The following WNK3 variants were observed in gnomAD, a reference collection of about 807,000 sequenced individuals.
The protein encoded by WNK3 is WNK lysine deficient protein kinase 3.
In WNK3, 18 loss-of-function variants were observed where a neutral mutation model predicts 116.7. The ratio of observed to expected loss-of-function variants is 0.15; its 90% CI spans 0.11 to 0.23. The LOEUF is 0.23. WNK3 is among the 10% of genes least tolerant of loss of function. The probability of loss-of-function intolerance (pLI) is 1.00; values close to 1 mark genes in which losing one functional copy is unlikely to be tolerated. For synonymous variants in WNK3, 404 were observed against 469.4 expected (o/e 0.86, Z 1.80); for missense variants, 993 against 1,323.8 (o/e 0.75, Z 3.88).
chrX:54,307,354 C>A (rs2068837673), intron 5 of WNK3, among the ~76,000 whole-genome samples: 1 of 111,485 alleles, frequency 9.0e-6, no homozygotes, highest in Non-Finnish European at 1.9e-5. Context: ...CTCCTTTGAA[C>A]AACACTTTGC....
chrX:54,268,467 T>C (rs1361690068), intron 10 of WNK3, among the ~76,000 whole-genome samples: 4 of 111,381 alleles, frequency 3.6e-5, no homozygotes, highest in Non-Finnish European at 7.5e-5. Flanking sequence ...GCACTCCACC[T>C]TGAGTGACAG....
chrX:54,250,391 C>G (rs1324018921), intron 15 of WNK3, among the ~76,000 whole-genome samples: 1 of 111,408 alleles, frequency 9.0e-6, no homozygotes, highest in Non-Finnish European at 1.9e-5. Context: ...ACAGGGTACT[C>G]TTTGAAAAAA....
chrX:54,250,123 C>T, exon 16 of WNK3: 1 of 1,186,348 alleles, frequency 8.4e-7, no homozygotes, highest in South Asian at 1.9e-5. Flanking sequence ...GACTGAGGAG[C>T]AGATTCATCT....
intron 2 of WNK3, among the ~76,000 whole-genome samples, chrX:54,312,093 G>A (rs2068892859): frequency 9.0e-6 from 1 of 110,979 alleles, no homozygotes; most frequent in South Asian, 3.9e-4. Context: ...GCTGAGGTGG[G>A]AGGAGCACCT....
chrX:54,239,624 A>G (rs1393841720), intron 17 of WNK3, among the ~76,000 whole-genome samples: 1 of 111,496 alleles, frequency 9.0e-6, no homozygotes, highest in Non-Finnish European at 1.9e-5. Flanking sequence ...GTATCAGGAA[A>G]TCAAGTTTCT....
intron 17 of WNK3, among the ~76,000 whole-genome samples, chrX:54,240,033 A>G (rs954727480): frequency 3.6e-5 from 4 of 112,405 alleles, no homozygotes; most frequent in Admixed American, 1.9e-4. Flanking sequence ...GGCTGGGCGC[A>G]GTGGCTCACG....
intron 17 of WNK3, among the ~76,000 whole-genome samples, chrX:54,244,108 T>A (rs1557152223): frequency 1.8e-5 from 2 of 111,498 alleles, no homozygotes; most frequent in Non-Finnish European, 1.9e-5. Flanking sequence ...GCTTAATGGG[T>A]ATGAAGTTTC....
In WNK3 at chrX:54,341,005, G is replaced by T. The variant is rs376778872; in HGVS notation, c.-119-7213C>A. 2.1e-4 allele frequency among the ~76,000 whole-genome samples: 24 copies of T among 112,176 alleles called. No individual in the cohort carries two copies. In the South Asian group the frequency reaches 5.5e-3, roughly 26 times the overall value. Reference sequence around the variant, plus strand: ...TGTCCACACAAAAACTTGTACAAGTGTTCATAGCAGCACTATTCACAATAC... The same window carrying T: ...TGTCCACACAAAAACTTGTACAAGTTTTCATAGCAGCACTATTCACAATAC... On this transcript the variant is annotated intron_variant, in intron 1 of 23. Transcript: ENST00000354646.
intron 2 of WNK3, among the ~76,000 whole-genome samples, chrX:54,311,829 GA>G (rs2068890408): frequency 9.0e-6 from 1 of 111,287 alleles, no homozygotes; most frequent in East Asian, 2.8e-4. Context: ...GAAGTCAAAG[GA>G]ACAATTTTAC....
chrX:54,237,169 C>T (rs1248776858), exon 20 of WNK3: 2 of 1,211,856 alleles, frequency 1.7e-6, no homozygotes, highest in Non-Finnish European at 2.2e-6. Flanking sequence ...AGGCTGTTTC[C>T]CAGCAGTCAA....
intron 22 of WNK3, among the ~76,000 whole-genome samples, chrX:54,225,429 T>G (rs782226951): frequency 9.2e-6 from 1 of 109,101 alleles, no homozygotes; most frequent in East Asian, 2.9e-4. Context: ...AAGACCAGCC[T>G]GGCCAACATG....
exon 2 of WNK3, chrX:54,333,591 T>C (rs972461261): frequency 5.8e-6 from 7 of 1,205,033 alleles, no homozygotes; most frequent in Non-Finnish European, 7.8e-6. Context: ...TGCAGCGACC[T>C]GGGGAACTCT....
At chrX:54,237,583 T>A in intron 19 of WNK3, 32 bp from the exon 20 acceptor site, 1 of 1,136,023 alleles carries the variant, frequency 8.8e-7, no homozygotes, top group South Asian at 2.1e-5. Context: ...GTGGTTAGCA[T>A]AGCACAGACA....
chrX:54,200,274 C>G (rs902631951), intron 23 of WNK3, among the ~76,000 whole-genome samples: 5 of 111,919 alleles, frequency 4.5e-5, no homozygotes, highest in Non-Finnish European at 9.4e-5. Flanking sequence ...GGATAGGGAT[C>G]ATACTTGTTT....
chrX:54,207,079 TA>T (rs1312705078), intron 22 of WNK3, among the ~76,000 whole-genome samples: 1 of 107,404 alleles, frequency 9.3e-6, no homozygotes, highest in African/African-American at 3.4e-5. Flanking sequence ...TGTTTTCAGA[TA>T]AAATGCTGCT....
At position 54,276,709 on chromosome X, in the gene WNK3, C is replaced by T. The variant is rs2068452841; in HGVS notation, c.2037+16179G>A. Among the ~76,000 whole-genome samples, 5 of 108,379 alleles carry T rather than the reference C, an allele frequency of 4.6e-5. No homozygotes were observed. The Admixed American group carries it at 5.0e-4, about 11-fold the overall frequency. 94.1% of individuals were successfully genotyped at this position (108,379 alleles called of 115,157 possible). ...ACACAGAAGAAACATCTGAAAAAGG[C>T]AACATTCCTTTTTTTTTTTTTTTGA... On this transcript the variant is annotated intron_variant, in intron 10 of 23. Coordinates refer to ENST00000354646, the Ensembl canonical transcript of WNK3.
chrX:54,228,410 A>G (rs1557148283), intron 22 of WNK3, among the ~76,000 whole-genome samples: 1 of 112,168 alleles, frequency 8.9e-6, no homozygotes, highest in East Asian at 2.8e-4. Flanking sequence ...ATTATTGTGT[A>G]ACTGTATTGA....
At chrX:54,353,145 T>A (rs2069541339) in intron 1 of WNK3, among the ~76,000 whole-genome samples, 1 of 111,975 alleles carries the variant, frequency 8.9e-6, no homozygotes, top group Non-Finnish European at 1.9e-5. Flanking sequence ...AATGCCACTG[T>A]ACAACTGTAC....
intron 1 of WNK3, among the ~76,000 whole-genome samples, chrX:54,354,546 G>A (rs2147357537): frequency 9.0e-6 from 1 of 110,776 alleles, no homozygotes; most frequent in African/African-American, 3.3e-5. Flanking sequence ...GCGGAAGGAG[G>A]GGAGAGTACT....
Sources: allele counts gnomAD v4.1 joint callset (sites outside exome capture counted in the v4.1 genomes callset), GRCh38; gene constraint gnomAD v4.1.1; transcripts MANE v1.5; gene names NCBI Gene and HGNC (gene_info 2026-07-23, HGNC 2026-07-21).